Variants in CDH12 observed in about 807,000 individuals in gnomAD.
CDH12 encodes the protein cadherin 12.
Under a neutral mutation model 74.1 loss-of-function variants are expected in CDH12, and 41 were observed. That is an observed-to-expected ratio of 0.55 (90% CI 0.43 to 0.72). The LOEUF is 0.72. Among genes scored for constraint, CDH12 ranks in the 30% least tolerant of loss-of-function variants. The probability of loss-of-function intolerance (pLI) is 0.00; values close to 1 mark genes in which losing one functional copy is unlikely to be tolerated. For synonymous variants in CDH12, 399 were observed against 355.0 expected (o/e 1.12, Z -1.39); for missense variants, 945 against 977.2 (o/e 0.97, Z 0.44).
At chr5:22,346,123 A>AT (rs397996993) in intron 3 of CDH12, among the ~76,000 whole-genome samples, 2 of 149,882 alleles carry the variant, frequency 1.3e-5, no homozygotes, top group East Asian at 2.0e-4. Flanking sequence ...AAAAAAAAAA[A>AT]GGAGAATATG....
At chr5:22,040,165 G>T (rs369679646) in intron 5 of CDH12, among the ~76,000 whole-genome samples, 4 of 148,074 alleles carry the variant, frequency 2.7e-5, no homozygotes. Context: ...AACAAATAAA[G>T]TAAAAAAAAA....
chr5:22,082,303 C>T (rs1362671767), intron 4 of CDH12, among the ~76,000 whole-genome samples: 1 of 152,150 alleles, frequency 6.6e-6, no homozygotes, highest in East Asian at 1.9e-4. Context: ...TATGGCTTCT[C>T]TTTGGCATAT....
At chr5:22,026,601 A>G (rs893409935) in intron 5 of CDH12, among the ~76,000 whole-genome samples, 2 of 152,072 alleles carry the variant, frequency 1.3e-5, no homozygotes, top group African/African-American at 2.4e-5. Flanking sequence ...CTATGCTTTC[A>G]TTATGCTTCT....
chr5:21,891,986 T>G (rs530419380), intron 6 of CDH12, among the ~76,000 whole-genome samples: 1 of 152,264 alleles, frequency 6.6e-6, no homozygotes, highest in African/African-American at 2.4e-5. Flanking sequence ...CCTGTTCCAA[T>G]ACTGTGCTGA....
At chr5:22,593,841 T>C (rs912785869) in intron 1 of CDH12, among the ~76,000 whole-genome samples, 1 of 152,358 alleles carries the variant, frequency 6.6e-6, no homozygotes, top group Admixed American at 6.5e-5. Context: ...TAAGGGTTCT[T>C]ACTCTTTGTT....
intron 6 of CDH12, among the ~76,000 whole-genome samples, chr5:21,941,865 G>A: frequency 6.6e-6 from 1 of 151,746 alleles, no homozygotes; most frequent in Non-Finnish European, 1.5e-5. Context: ...TTCTGTATAT[G>A]AAAACTGAAG....
chr5:22,223,865 C>A (rs566534060), intron 3 of CDH12, among the ~76,000 whole-genome samples: 1 of 151,980 alleles, frequency 6.6e-6, no homozygotes, highest in African/African-American at 2.4e-5. Flanking sequence ...ATTATCAGGG[C>A]AATTGAGCCA....
At chr5:21,855,629 T>C (rs1750715927) in intron 6 of CDH12, among the ~76,000 whole-genome samples, 1 of 151,556 alleles carries the variant, frequency 6.6e-6, no homozygotes, top group Non-Finnish European at 1.5e-5. Context: ...CATATATATA[T>C]ATGTATGTGT....
chr5:22,519,156 C>T (rs925302820), intron 1 of CDH12, among the ~76,000 whole-genome samples: 1 of 152,088 alleles, frequency 6.6e-6, no homozygotes, highest in African/African-American at 2.4e-5. Flanking sequence ...CTTAGTTTGT[C>T]CCAGGCACTG....
chr5:22,155,316 T>G (rs1747955000), intron 4 of CDH12, among the ~76,000 whole-genome samples: 1 of 152,098 alleles, frequency 6.6e-6, no homozygotes, highest in Non-Finnish European at 1.5e-5. Flanking sequence ...GGGTAGTCTT[T>G]GGGGCCAACT....
At chr5:22,095,579 C>T (rs974064581) in intron 4 of CDH12, among the ~76,000 whole-genome samples, 1 of 152,064 alleles carries the variant, frequency 6.6e-6, no homozygotes, top group Non-Finnish European at 1.5e-5. Context: ...TACCCCTTCT[C>T]TGCTTTTCTG....
rs186192363 is a variant in CDH12 at position 22,252,224 on chromosome 5, T to C, written c.-332-39581A>G. On this transcript the variant is annotated intron_variant, in intron 3 of 14. Transcript: ENST00000382254. ...GAAGGGATTACTATAATAGTACTGT[T>C]GATAATCTAGTGTTAGATGTATCCC... is the stretch of plus-strand genomic sequence containing the variant. 8.2e-3 allele frequency among the ~76,000 whole-genome samples: 1,249 copies of C among 152,162 alleles called. 11 individuals carry two copies. Among genetic ancestry groups the C allele is most frequent in the Non-Finnish European group, 0.011 (730 of 67,964 alleles).
chr5:22,818,363 T>A (rs558333635), intron 1 of CDH12, among the ~76,000 whole-genome samples: 1 of 152,102 alleles, frequency 6.6e-6, no homozygotes, highest in Non-Finnish European at 1.5e-5. Context: ...GTATTATACA[T>A]CACAGCTTTC....
chr5:21,868,682 C>T (rs1751460695), intron 6 of CDH12, among the ~76,000 whole-genome samples: 1 of 152,144 alleles, frequency 6.6e-6, no homozygotes, highest in Non-Finnish European at 1.5e-5. Flanking sequence ...GCCTGTCCCA[C>T]CATTGTATTT....
chr5:22,077,213 C>G (rs1742392363), intron 5 of CDH12, among the ~76,000 whole-genome samples: 1 of 152,002 alleles, frequency 6.6e-6, no homozygotes, highest in Admixed American at 6.6e-5. Context: ...CCACATATGC[C>G]TTAGTGGAAA....
chr5:22,614,675 T>TG (rs1737599224), intron 1 of CDH12, among the ~76,000 whole-genome samples: 1 of 152,084 alleles, frequency 6.6e-6, no homozygotes, highest in African/African-American at 2.4e-5. Context: ...GATAGTGTGG[T>TG]GGGGGCTTTT....
rs77980779 is a variant in CDH12, at chr5:22,230,120, A to G, written c.-332-17477T>C. ...AACAGCATATAGGTGTTTTGTATGA[A>G]AAGCTCAATTTGTTAGTAAGTGTAT... On this transcript the variant is annotated intron_variant, in intron 3 of 14. Coordinates refer to ENST00000382254, the MANE Select transcript of CDH12 (RefSeq NM_004061.5). Among the ~76,000 whole-genome samples, 1,258 of 152,274 alleles carry G rather than the reference A, an allele frequency of 8.3e-3. 8 individuals are homozygous for G. The highest frequency in any genetic ancestry group is 0.017 in the Middle Eastern group (5 of 294).
chr5:22,624,683 G>C lies in CDH12; in HGVS notation c.-522-119319C>G, dbSNP rs555420370. ...CAATAGGTGCTGGAGAGGATGTGGA[G>C]AAACAGGAACACTTTTACACAGTTG... On this transcript the variant is annotated intron_variant, in intron 1 of 14. Coordinates refer to ENST00000382254, the MANE Select transcript of CDH12 (RefSeq NM_004061.5). Among the ~76,000 whole-genome samples the C allele has an allele frequency of 4.2e-4, 64 of 152,326 alleles. 2 individuals carry two copies. The South Asian group carries it at 0.013, about 32-fold the overall frequency.
chr5:22,510,742 TA>T (rs1736567883), intron 1 of CDH12, among the ~76,000 whole-genome samples: 1 of 152,168 alleles, frequency 6.6e-6, no homozygotes, highest in Non-Finnish European at 1.5e-5. Context: ...ATTATTTTTC[TA>T]ATTATGTTCA....
Sources: gnomAD v4.1 joint callset for allele counts (sites outside exome capture counted in the v4.1 genomes callset) on GRCh38, gnomAD v4.1.1 for gene constraint, MANE v1.5 for transcripts, NCBI Gene and HGNC (gene_info 2026-07-23, HGNC 2026-07-21) for gene names.